The following SERGEF variants were observed in gnomAD, a reference collection of about 807,000 sequenced individuals.
SERGEF encodes secretion-regulating guanine nucleotide exchange factor.
Under a neutral mutation model 50.0 loss-of-function variants are expected in SERGEF, and 51 were observed. That is an observed-to-expected ratio of 1.02 (90% CI 0.81 to 1.29). The LOEUF is 1.29. Among genes scored for constraint, SERGEF ranks in the 50% most tolerant of loss-of-function variants. The probability of loss-of-function intolerance (pLI) is 0.00; values close to 1 mark genes in which losing one functional copy is unlikely to be tolerated. For missense variants in SERGEF, 521 were observed against 557.0 expected (o/e 0.94, Z 0.65); for synonymous variants, 205 against 212.4 (o/e 0.97, Z 0.30).
At chr11:17,897,693 T>C (rs1851674303) in intron 9 of SERGEF, among the ~76,000 whole-genome samples, 1 of 152,210 alleles carries the variant, frequency 6.6e-6, no homozygotes, top group South Asian at 2.1e-4. Flanking sequence ...ATCTAATTTA[T>C]AGTGATAGAA....
intron 8 of SERGEF, among the ~76,000 whole-genome samples, chr11:17,986,472 G>T (rs888593473): frequency 6.6e-6 from 1 of 152,224 alleles, no homozygotes; most frequent in Non-Finnish European, 1.5e-5. Context: ...TCATGCTCTT[G>T]AAAGGAGGCA....
chr11:17,877,330 G>A (rs1045200687), intron 10 of SERGEF, among the ~76,000 whole-genome samples: 2 of 152,106 alleles, frequency 1.3e-5, no homozygotes, highest in African/African-American at 4.8e-5. Context: ...TTACAGATGG[G>A]GAAACTAAAG....
rs1010588004 is a variant in SERGEF, at chr11:17,879,767, T to C, written c.1012-1523A>G. Among the ~76,000 whole-genome samples the C allele has an allele frequency of 2.0e-5, 3 of 152,204 alleles. No homozygotes were observed. The East Asian group carries it at 5.8e-4, about 29-fold the overall frequency. On this transcript the variant is annotated intron_variant, in intron 9 of 10. Coordinates refer to ENST00000265965, the MANE Select transcript of SERGEF (RefSeq NM_012139.4). ...AATGACAACTATGTGAAGTAATATA[T>C]GTTAATTAGCCAGTTTAGCCATTCC...
In SERGEF at chr11:17,884,464, G is replaced by A. The variant is rs956794079; in HGVS notation, c.1012-6220C>T. On this transcript the variant is annotated intron_variant, in intron 9 of 10. Coordinates refer to ENST00000265965, the MANE Select transcript of SERGEF (RefSeq NM_012139.4). The surrounding 1 kb of genome is among the most constrained non-coding windows in gnomAD (Gnocchi z 4.6). ...CTCTGCCCAAACCCGGTTTCCATCCGTGTATCTCTGGGGTGACAACCAGAA... is the reference window on the plus strand; with the variant it reads ...CTCTGCCCAAACCCGGTTTCCATCCATGTATCTCTGGGGTGACAACCAGAA... Among the ~76,000 whole-genome samples the A allele has an allele frequency of 1.3e-5, 2 of 152,174 alleles. No homozygotes were observed.
At chr11:17,815,613 T>TCAAAA (rs370860088) in intron 10 of SERGEF, among the ~76,000 whole-genome samples, 1,714 of 132,684 alleles carry the variant, frequency 0.013, 17 homozygotes, top group Non-Finnish European at 0.02. Context: ...AGACTCCATC[T>TCAAAA]CAAAACAAAA....
intron 10 of SERGEF, among the ~76,000 whole-genome samples, chr11:17,798,211 G>A (rs1046439553): frequency 6.6e-6 from 1 of 152,120 alleles, no homozygotes; most frequent in Non-Finnish European, 1.5e-5. Context: ...TTGCTCAAAA[G>A]GTTGCCCAGT....
At chr11:17,984,697 G>A (rs758731811) in intron 8 of SERGEF, among the ~76,000 whole-genome samples, 34 of 152,194 alleles carry the variant, frequency 2.2e-4, no homozygotes, top group Non-Finnish European at 4.1e-4. Context: ...GACAGAGAGA[G>A]GTGGAGCTGC....
At chr11:17,810,176 C>G (rs1849841714) in intron 10 of SERGEF, among the ~76,000 whole-genome samples, 1 of 152,166 alleles carries the variant, frequency 6.6e-6, no homozygotes, top group African/African-American at 2.4e-5. Context: ...ACTGGGGTGG[C>G]CCCAAGCCCC....
chr11:17,836,963 G>A (rs1053169311), intron 10 of SERGEF, among the ~76,000 whole-genome samples: 2 of 152,148 alleles, frequency 1.3e-5, no homozygotes, highest in African/African-American at 4.8e-5. Flanking sequence ...TAAAGTACTT[G>A]CTAAAAGACT....
intron 10 of SERGEF, among the ~76,000 whole-genome samples, chr11:17,796,574 C>G (rs1036318441): frequency 1.3e-5 from 2 of 152,182 alleles, no homozygotes; most frequent in African/African-American, 2.4e-5. Flanking sequence ...AAGGTCTTCC[C>G]CAGATGTGGC....
At chr11:17,809,113 G>C (rs1443689606) in intron 10 of SERGEF, among the ~76,000 whole-genome samples, 2 of 151,546 alleles carry the variant, frequency 1.3e-5, no homozygotes, top group African/African-American at 4.8e-5. Flanking sequence ...TAAATAATCT[G>C]AGGGATCAGA....
intron 4 of SERGEF, among the ~76,000 whole-genome samples, chr11:18,002,498 G>C (rs1853983886): frequency 6.6e-6 from 1 of 152,060 alleles, no homozygotes; most frequent in Non-Finnish European, 1.5e-5. Flanking sequence ...TTGCACCTTT[G>C]CTTACATGGT....
Position 17,888,903 on chromosome 11 carries a change from A to G in SERGEF, c.1012-10659T>C, listed in dbSNP as rs1361474582. Among the ~76,000 whole-genome samples the G allele has an allele frequency of 6.6e-6, 1 of 152,194 alleles. No homozygotes were observed. The highest frequency in any genetic ancestry group is 1.5e-5 in the Non-Finnish European group (1 of 68,036). On this transcript the variant is annotated intron_variant, in intron 9 of 10. Transcript: ENST00000265965. The surrounding 1 kb of genome is among the most constrained non-coding windows in gnomAD (Gnocchi z 4.1). ...AGAAAGTGATAAAAGAGTAAAGGAGACGTGTCAAAAGGAAACTAGCCAGCC... is the reference window on the plus strand; with the variant it reads ...AGAAAGTGATAAAAGAGTAAAGGAGGCGTGTCAAAAGGAAACTAGCCAGCC...
chr11:17,829,098 A>G (rs1850250707), intron 10 of SERGEF, among the ~76,000 whole-genome samples: 1 of 152,242 alleles, frequency 6.6e-6, no homozygotes, highest in African/African-American at 2.4e-5. Context: ...ATATGGCACA[A>G]AGAAACCTAG....
At chr11:17,850,403 G>A (rs899146390) in intron 10 of SERGEF, among the ~76,000 whole-genome samples, 6 of 152,250 alleles carry the variant, frequency 3.9e-5, no homozygotes, top group Admixed American at 3.3e-4. Context: ...CAACACACAC[G>A]TACACATACA....
intron 9 of SERGEF, among the ~76,000 whole-genome samples, chr11:17,901,103 G>A (rs1344490510): frequency 6.7e-6 from 1 of 150,098 alleles, no homozygotes; most frequent in African/African-American, 2.5e-5. Context: ...CACCATCATT[G>A]TAGTTACCTC....
chr11:18,007,188 T>C (rs211139), intron 2 of SERGEF, among the ~76,000 whole-genome samples: 44,443 of 152,102 alleles, frequency 0.29, 8,618 homozygotes, highest in African/African-American at 0.54. Context: ...ACAATGCATA[T>C]ATAACACTAA....
intron 9 of SERGEF, among the ~76,000 whole-genome samples, chr11:17,896,633 A>G (rs1590183632): frequency 4.9e-5 from 1 of 20,342 alleles, no homozygotes. Flanking sequence ...GGGGAAGGGG[A>G]AGGGAAGGGG....
At chr11:17,983,934 T>A (rs1379830543) in intron 8 of SERGEF, among the ~76,000 whole-genome samples, 1 of 151,612 alleles carries the variant, frequency 6.6e-6, no homozygotes, top group African/African-American at 2.4e-5. Context: ...GGGAAATGAA[T>A]GATGCTTTCA....
Sources: gnomAD v4.1 joint callset for allele counts (sites outside exome capture counted in the v4.1 genomes callset) on GRCh38, gnomAD v4.1.1 for gene constraint, Gnocchi (gnomAD v3.1) non-coding constraint, MANE v1.5 for transcripts, NCBI Gene and HGNC (gene_info 2026-07-23, HGNC 2026-07-21) for gene names.